EML5: variants seen among roughly 807,000 people sequenced by gnomAD.
The protein encoded by EML5 is echinoderm microtubule-associated protein-like 5.
A neutral mutation model predicts 250.0 loss-of-function variants in EML5; 120 were observed. That is an observed-to-expected ratio of 0.48 (90% CI 0.41 to 0.56). EML5 has a LOEUF of 0.56. EML5 is among the 20% of genes least tolerant of loss of function. EML5 has a pLI of 0.00. For synonymous variants in EML5, 771 were observed against 806.5 expected (o/e 0.96, Z 0.75); for missense variants, 2,006 against 2,437.6 (o/e 0.82, Z 3.73).
intron 3 of EML5, among the ~76,000 whole-genome samples, chr14:88,744,352 A>T (rs911100263): frequency 5.3e-5 from 8 of 152,148 alleles, no homozygotes; most frequent in South Asian, 2.1e-4. Context: ...TTTAATTTTT[A>T]AAAAAATTTG....
intron 10 of EML5, among the ~76,000 whole-genome samples, chr14:88,708,638 G>C (rs898647799): frequency 1.3e-5 from 2 of 152,134 alleles, no homozygotes; most frequent in African/African-American, 2.4e-5. Context: ...ATGCACAGAA[G>C]AGGGCAAAAG....
chr14:88,650,499 A>G (rs1242804072), intron 27 of EML5, among the ~76,000 whole-genome samples: 4 of 152,236 alleles, frequency 2.6e-5, no homozygotes, highest in Admixed American at 2.6e-4. Flanking sequence ...AACATTTATT[A>G]AAAAAGAAAA....
intron 23 of EML5, among the ~76,000 whole-genome samples, chr14:88,663,726 G>T (rs2092211038): frequency 6.6e-6 from 1 of 150,718 alleles, no homozygotes; most frequent in African/African-American, 2.4e-5. Context: ...TTAGGAATGG[G>T]GTCTCACTGT....
chr14:88,619,586 G>A (rs1374950911), intron 39 of EML5: 1 of 152,098 alleles, frequency 6.6e-6, no homozygotes, highest in African/African-American at 2.4e-5. Context: ...CTTCCATCTG[G>A]AAAAAACGTT....
chr14:88,754,813 AT>A, intron 1 of EML5, 142 bp from the exon 2 acceptor site: 1 of 789,334 alleles, frequency 1.3e-6, no homozygotes, highest in Non-Finnish European at 2.0e-6. Flanking sequence ...TTTAAAAATT[AT>A]TTTTGTTGAG....
intron 18 of EML5, among the ~76,000 whole-genome samples, chr14:88,687,765 CA>C (rs71456657): frequency 2.6e-5 from 4 of 151,096 alleles, no homozygotes; most frequent in Non-Finnish European, 5.9e-5. Flanking sequence ...TAAAAAAAAA[CA>C]AAAAAAACAC....
At chr14:88,705,302 A>C (rs1653797054) in intron 12 of EML5, among the ~76,000 whole-genome samples, 180 bp downstream of exon 12, 1 of 152,186 alleles carries the variant, frequency 6.6e-6, no homozygotes, top group African/African-American at 2.4e-5. Context: ...TATACCAAGC[A>C]TTTAATATAA....
At chr14:88,755,693 A>C (rs939528770) in intron 1 of EML5, among the ~76,000 whole-genome samples, 3 of 152,146 alleles carry the variant, frequency 2.0e-5, no homozygotes, top group Non-Finnish European at 4.4e-5. Flanking sequence ...AATTAGGAGG[A>C]TATTAAAACA....
At chr14:88,679,270 G>A (rs1175107035) in intron 21 of EML5, among the ~76,000 whole-genome samples, 1 of 150,200 alleles carries the variant, frequency 6.7e-6, no homozygotes, top group Non-Finnish European at 1.5e-5. Context: ...TCTTTTCAGG[G>A]GGACACAACT....
intron 3 of EML5, among the ~76,000 whole-genome samples, chr14:88,745,167 T>TTGTTTGTTTGTGTGTGTG (rs148282706): frequency 0.049 from 7,109 of 145,168 alleles, 217 homozygotes; most frequent in African/African-American, 0.064. Context: ...AATTGTGTGT[T>TTGTTTGTTTGTGTGTGTG]TGTGTGTGTG....
intron 4 of EML5, 137 bp from the exon 5 acceptor site, chr14:88,740,709 C>T (rs759864416): frequency 2.8e-6 from 2 of 711,350 alleles, no homozygotes; most frequent in Non-Finnish European, 4.4e-6. Context: ...AAATAGCATT[C>T]AATGTTCAGA....
chr14:88,633,635 AGAT>A (rs10600813), intron 33 of EML5, among the ~76,000 whole-genome samples: 53,976 of 151,990 alleles, frequency 0.36, 11,297 homozygotes, highest in Middle Eastern at 0.48. Flanking sequence ...CAGTGCAAAC[AGAT>A]GAGTGTCATC....
chr14:88,762,821 A>T lies in EML5; in HGVS notation c.198-8150T>A, dbSNP rs1045966684. On this transcript the variant is annotated intron_variant, in intron 1 of 43. Coordinates refer to ENST00000554922, the MANE Select transcript of EML5 (RefSeq NM_183387.3). Reference sequence around the variant, plus strand: ...ATCATAACAAACAGTCTCTCAGACCACAGTGCAATCAAGTTAGAACTCAGG... The same window carrying T: ...ATCATAACAAACAGTCTCTCAGACCTCAGTGCAATCAAGTTAGAACTCAGG... Among the ~76,000 whole-genome samples the T allele has an allele frequency of 5.3e-5, 8 of 152,244 alleles. No individual in the cohort carries two copies. The East Asian group carries it at 1.5e-3, about 29-fold the overall frequency.
At chr14:88,630,529 T>C (rs1195864915) in intron 33 of EML5, among the ~76,000 whole-genome samples, 6 of 152,162 alleles carry the variant, frequency 3.9e-5, no homozygotes, top group Non-Finnish European at 5.9e-5. Context: ...GGAAACAAAC[T>C]GCATGCTCAA....
chr14:88,642,720 T>C (rs1219310896), intron 31 of EML5, among the ~76,000 whole-genome samples, 173 bp downstream of exon 31: 2 of 152,220 alleles, frequency 1.3e-5, no homozygotes, highest in Admixed American at 6.5e-5. Context: ...AAACTGAAAT[T>C]TGTTTACTTG....
intron 36 of EML5, chr14:88,624,704 T>C (rs1015501060): frequency 5.1e-6 from 2 of 393,592 alleles, no homozygotes; most frequent in African/African-American, 4.1e-5. Context: ...CATACAGACA[T>C]TAAGAAAAGT....
chr14:88,680,515 T>G (rs74075860), intron 21 of EML5, among the ~76,000 whole-genome samples: 111 of 152,096 alleles, frequency 7.3e-4, no homozygotes, highest in African/African-American at 2.5e-3. Flanking sequence ...TTAAATAAAT[T>G]TTCAGTGGTT....
intron 33 of EML5, among the ~76,000 whole-genome samples, chr14:88,632,920 T>C (rs2090519263): frequency 6.6e-6 from 1 of 152,236 alleles, no homozygotes; most frequent in Admixed American, 6.5e-5. Context: ...AGAAGCAGGT[T>C]CTGTGTAATC....
chr14:88,720,465 G>T (rs533045379), intron 8 of EML5, among the ~76,000 whole-genome samples: 1 of 151,988 alleles, frequency 6.6e-6, no homozygotes, highest in African/African-American at 2.4e-5. Context: ...GAGATGCAAG[G>T]CTGGTTCAAC....
Sources: allele counts gnomAD v4.1 joint callset (sites outside exome capture counted in the v4.1 genomes callset), GRCh38; gene constraint gnomAD v4.1.1; transcripts MANE v1.5; gene names NCBI Gene and HGNC (gene_info 2026-07-23, HGNC 2026-07-21).